Variants in UBE2Z observed in about 807,000 individuals in gnomAD.
UBE2Z encodes the protein ubiquitin conjugating enzyme E2 Z.
Under a neutral mutation model 32.6 loss-of-function variants are expected in UBE2Z, and 10 were observed. The ratio of observed to expected loss-of-function variants is 0.31; its 90% CI spans 0.19 to 0.52. The LOEUF (loss-of-function observed/expected upper bound fraction) is 0.52, where lower values mean the gene tolerates loss of function less well. Among genes scored for constraint, UBE2Z ranks in the 20% least tolerant of loss-of-function variants. UBE2Z has a pLI of 0.97. For missense variants in UBE2Z, 343 were observed against 480.9 expected (o/e 0.71, Z 2.68); for synonymous variants, 183 against 190.8 (o/e 0.96, Z 0.34).
At chr17:48,920,492 A>G (rs887079621) in intron 4 of UBE2Z, among the ~76,000 whole-genome samples, 21 of 151,856 alleles carry the variant, frequency 1.4e-4, no homozygotes, top group African/African-American at 5.1e-4. Flanking sequence ...CAAAACTCAA[A>G]AAAACAAATA....
intron 6 of UBE2Z, among the ~76,000 whole-genome samples, chr17:48,926,384 C>G (rs1179260192): frequency 6.6e-6 from 1 of 152,052 alleles, no homozygotes; most frequent in Non-Finnish European, 1.5e-5. Flanking sequence ...CCCTTATTGT[C>G]CCTTCTTCCG....
At chr17:48,911,986 G>T (rs2040681798) in intron 2 of UBE2Z, 1 of 152,144 alleles carries the variant, frequency 6.6e-6, no homozygotes, top group South Asian at 2.1e-4. Context: ...CCCTTCAGGG[G>T]GGGAAATCCT....
intron 4 of UBE2Z, 63 bp downstream of exon 4, chr17:48,916,250 G>GTT (rs1234372680): frequency 8.3e-5 from 43 of 517,794 alleles, no homozygotes; most frequent in Admixed American, 2.5e-4. Context: ...TGGTTGGTTG[G>GTT]TTTTTTTGTT....
intron 6 of UBE2Z, among the ~76,000 whole-genome samples, chr17:48,926,476 T>C (rs1285184293): frequency 3.4e-5 from 1 of 29,506 alleles, no homozygotes; most frequent in South Asian, 2.6e-3. Flanking sequence ...AAGAGTGTCT[T>C]TTTTTTTTTT....
At chr17:48,926,095 G>A (rs1244781575) in intron 6 of UBE2Z, among the ~76,000 whole-genome samples, 1 of 152,120 alleles carries the variant, frequency 6.6e-6, no homozygotes. Flanking sequence ...AGAACAAGAA[G>A]GACTAAGATC....
chr17:48,923,716 T>C (rs1323443252), intron 6 of UBE2Z, among the ~76,000 whole-genome samples: 2 of 151,326 alleles, frequency 1.3e-5, no homozygotes, highest in Admixed American at 1.3e-4. Context: ...CTCTTTACTT[T>C]CCTTGGTCAG....
chr17:48,913,575 G>A (rs1277357549), intron 3 of UBE2Z, among the ~76,000 whole-genome samples: 1 of 152,098 alleles, frequency 6.6e-6, no homozygotes. Context: ...GGATGGTCTC[G>A]ATCTCTTGAC....
intron 6 of UBE2Z, among the ~76,000 whole-genome samples, chr17:48,925,600 G>A (rs1297122493): frequency 6.6e-6 from 1 of 152,124 alleles, no homozygotes; most frequent in Non-Finnish European, 1.5e-5. Context: ...AATTCTAATT[G>A]CTGGTATCCA....
chr17:48,909,397 A>G (rs906561046), intron 1 of UBE2Z, among the ~76,000 whole-genome samples: 13 of 151,510 alleles, frequency 8.6e-5, no homozygotes, highest in Admixed American at 3.3e-4. Context: ...CCTCGCCCCA[A>G]TCTTTCCTTG....
intron 6 of UBE2Z, among the ~76,000 whole-genome samples, chr17:48,926,537 G>A (rs2040799663): frequency 6.7e-6 from 1 of 148,672 alleles, no homozygotes; most frequent in Non-Finnish European, 1.5e-5. Flanking sequence ...GTGTAATGGT[G>A]CGATCTCGAT....
Position 48,922,831 on chromosome 17 carries a change from T to C in UBE2Z, c.804-16T>C, listed in dbSNP as rs781198339. The C allele has an allele frequency of 1.2e-5, 20 of 1,606,236 alleles. No individual in the cohort carries two copies. The East Asian group carries it at 4.3e-4, about 34-fold the overall frequency. On this transcript the variant is annotated splice_polypyrimidine_tract_variant and intron_variant, in intron 5 of 6. Transcript: ENST00000360943. ...CCCCTGGGTTTCTCACTTACACTTT[T>C]CTGCTTGTTTTCCAGAGGGGTGATG...
chr17:48,923,217 A>G lies in UBE2Z; in HGVS notation c.894+280A>G, dbSNP rs938377227. ...GTACCTGTAGTCCCATCTACTCAGGAGGCTGAGGCAGGAGAATCACTTGAA... is the reference window on the plus strand; with the variant it reads ...GTACCTGTAGTCCCATCTACTCAGGGGGCTGAGGCAGGAGAATCACTTGAA... On this transcript the variant is annotated intron_variant, in intron 6 of 6. Coordinates refer to ENST00000360943, the MANE Select transcript of UBE2Z (RefSeq NM_023079.5). 4.6e-5 allele frequency: 9 copies of G among 193,928 alleles called. No homozygotes were observed. The South Asian group carries it at 9.7e-4, about 21-fold the overall frequency. The allele number at this position is 193,928 out of a possible 1,614,324, so 12.0% of individuals were successfully genotyped here.
In UBE2Z at chr17:48,908,733, C is replaced by G; in HGVS notation, c.230C>G (p.Ala77Gly). The stretch of plus-strand genomic sequence containing the variant: ...CCGCCCTCAGCCGCTGCCCACGGGG[C>G]CGCGCTGCTTAGCCACTGGGACCCC... ...GLPPSAAAHGAALLSHWDPTL... is the reference protein window; with the variant it reads ...GLPPSAAAHGGALLSHWDPTL... The change falls in exon 1 of 7, where the codon GCC becomes GGC. Residue 77 changes from alanine to glycine, a missense_variant. Physicochemically the swap from Ala to Gly is moderately conservative, Grantham distance 60. This residue lies in a region of UBE2Z where 55 missense variants were observed against 56.2 expected (regional missense o/e 0.98). Transcript: ENST00000360943. 1 of 1,466,914 alleles carries G rather than the reference C, an allele frequency of 6.8e-7. No individual in the cohort carries two copies. Among genetic ancestry groups the G allele is most frequent in the East Asian group, 3.0e-5 (1 of 33,156 alleles). The allele number at this position is 1,466,914 out of a possible 1,614,324, so 90.9% of individuals were successfully genotyped here.
At position 48,928,034 on chromosome 17, in the gene UBE2Z, T is replaced by C. The variant is rs1438199336; in HGVS notation, c.*900T>C. On this transcript the variant is annotated 3_prime_UTR_variant, in exon 7 of 7. Transcript: ENST00000360943. ...ACTAGTCACAATAAGGGTATTTTTC[T>C]TGGGGGTGGAGTAAGGGGGAGACTG... 6.6e-6 allele frequency: 1 copy of C among 152,534 alleles called. No individual in the cohort carries two copies. Among genetic ancestry groups the C allele is most frequent in the East Asian group, 1.9e-4 (1 of 5,206 alleles). 9.4% of individuals were successfully genotyped at this position (152,534 alleles called of 1,614,324 possible).
intron 3 of UBE2Z, among the ~76,000 whole-genome samples, chr17:48,915,518 G>A (rs1442138422): frequency 6.6e-6 from 1 of 152,192 alleles, no homozygotes; most frequent in African/African-American, 2.4e-5. Context: ...TCCACTGTCT[G>A]GAAGCACCCC....
intron 1 of UBE2Z, chr17:48,910,607 A>T (rs1363264371): frequency 4.3e-6 from 2 of 462,782 alleles, no homozygotes; most frequent in Non-Finnish European, 7.8e-6. Flanking sequence ...TGCCCTTTTG[A>T]TAATAATTTG....
chr17:48,916,061 C>T lies in UBE2Z; in HGVS notation c.579-15C>T, dbSNP rs35929840. 2 of 1,563,898 alleles carry T rather than the reference C, an allele frequency of 1.3e-6. No individual in the cohort carries two copies. Among genetic ancestry groups the T allele is most frequent in the African/African-American group, 1.4e-5 (1 of 72,018 alleles). ...TTCTCTGCCTCACCCTCCATTCCTT[C>T]TGATGTGTTTACAGTACATGGACTG... On this transcript the variant is annotated splice_polypyrimidine_tract_variant and intron_variant, in intron 3 of 6. Transcript: ENST00000360943.
At chr17:48,917,889 T>C (rs986257157) in intron 4 of UBE2Z, among the ~76,000 whole-genome samples, 2 of 152,192 alleles carry the variant, frequency 1.3e-5, no homozygotes, top group African/African-American at 4.8e-5. Context: ...GTTCCAGTGA[T>C]AGTCCCAAAA....
At chr17:48,911,519 G>C (rs1223388082) in intron 2 of UBE2Z, 1 of 152,248 alleles carries the variant, frequency 6.6e-6, no homozygotes, top group Non-Finnish European at 1.5e-5. Flanking sequence ...CACTTAAACT[G>C]ATGTTAGAAA....
Sources: gnomAD v4.1 joint callset for allele counts (sites outside exome capture counted in the v4.1 genomes callset) on GRCh38, gnomAD v4.1.1 for gene constraint, gnomAD v4.1.1 regional missense constraint, MANE v1.5 for transcripts, NCBI Gene and HGNC (gene_info 2026-07-23, HGNC 2026-07-21) for gene names.